The following GPAT3 variants were observed in gnomAD, a reference collection of about 807,000 sequenced individuals.
GPAT3 encodes glycerol-3-phosphate acyltransferase 3.
In GPAT3, 53 loss-of-function variants were observed where a neutral mutation model predicts 58.8. The ratio of observed to expected loss-of-function variants is 0.90; its 90% CI spans 0.72 to 1.13. GPAT3 has a LOEUF of 1.13. Among genes scored for constraint, GPAT3 ranks in the 50% most tolerant of loss-of-function variants. The pLI is 0.00. For synonymous variants in GPAT3, 197 were observed against 187.4 expected (o/e 1.05, Z -0.42); for missense variants, 511 against 527.6 (o/e 0.97, Z 0.31).
chr4:83,578,930 T>TTTC (rs373810662), intron 2 of GPAT3, among the ~76,000 whole-genome samples: 3,084 of 7,834 alleles, frequency 0.39, 254 homozygotes, highest in South Asian at 0.42. Context: ...CTTTTCTTTC[T>TTTC]TTCTTTCTTT....
At chr4:83,543,510 G>A (rs1261108028) in intron 1 of GPAT3, among the ~76,000 whole-genome samples, 1 of 152,164 alleles carries the variant, frequency 6.6e-6, no homozygotes, top group Non-Finnish European at 1.5e-5. Context: ...AACAAAGTGA[G>A]AGTTGTTTTC....
chr4:83,561,227 A>G (rs1725114338), intron 2 of GPAT3, among the ~76,000 whole-genome samples: 1 of 152,216 alleles, frequency 6.6e-6, no homozygotes, highest in Non-Finnish European at 1.5e-5. Context: ...TGAATTCCAG[A>G]GGCCATGATT....
At chr4:83,589,520 T>G (rs1417593966) in intron 5 of GPAT3, among the ~76,000 whole-genome samples, 1 of 152,218 alleles carries the variant, frequency 6.6e-6, no homozygotes, top group Non-Finnish European at 1.5e-5. Context: ...TTAAAGTATT[T>G]GCTGTCTGGC....
chr4:83,540,879 G>A (rs1245815006), intron 1 of GPAT3, among the ~76,000 whole-genome samples: 6 of 151,920 alleles, frequency 3.9e-5, no homozygotes, highest in African/African-American at 1.4e-4. Flanking sequence ...CAATAGAGAT[G>A]GGGTTTCACT....
In GPAT3 at chr4:83,588,271, C is replaced by T. The variant is rs1178471650; in HGVS notation, c.616C>T (p.Leu206Phe). ...LTCCRICVRALSGTIHYHNKQ... is the reference protein window; with the variant it reads ...LTCCRICVRAFSGTIHYHNKQ... Reference sequence around the variant, plus strand: ...TTGCTGCCGGATCTGTGTGCGAGCCCTCTCTGGTACCATTCATTATCATAA... The same window carrying T: ...TTGCTGCCGGATCTGTGTGCGAGCCTTCTCTGGTACCATTCATTATCATAA... The change falls in exon 5 of 12, where the codon CTC (leucine) becomes TTC (phenylalanine). Residue 206 changes from leucine (L) to phenylalanine (F), a missense_variant. Leu to Phe is a conservative substitution (Grantham distance 22). Transcript: ENST00000264409. The T allele has an allele frequency of 2.5e-6, 4 of 1,613,176 alleles. No individual in the cohort carries two copies. Among genetic ancestry groups the T allele is most frequent in the Non-Finnish European group, 3.4e-6 (4 of 1,179,812 alleles).
intron 3 of GPAT3, among the ~76,000 whole-genome samples, chr4:83,585,167 C>T (rs1045543361): frequency 6.6e-6 from 1 of 151,970 alleles, no homozygotes; most frequent in African/African-American, 2.4e-5. Context: ...AGAACCTGAC[C>T]TTCAAATTGC....
intron 2 of GPAT3, among the ~76,000 whole-genome samples, chr4:83,561,041 A>G (rs1327674146): frequency 6.6e-6 from 1 of 152,228 alleles, no homozygotes; most frequent in African/African-American, 2.4e-5. Flanking sequence ...GAACAGACTA[A>G]TACAACTGGC....
At chr4:83,551,054 A>AT in intron 2 of GPAT3, among the ~76,000 whole-genome samples, 1 of 152,350 alleles carries the variant, frequency 6.6e-6, no homozygotes, top group South Asian at 2.1e-4. Flanking sequence ...AGACCAGAAA[A>AT]TTACACGACA....
At chr4:83,561,660 G>T (rs540754088) in intron 2 of GPAT3, among the ~76,000 whole-genome samples, 7 of 152,166 alleles carry the variant, frequency 4.6e-5, no homozygotes, top group Middle Eastern at 3.4e-3. Context: ...TGTTCCACTG[G>T]CATACTGTAC....
chr4:83,600,846 G>A (rs866337228), intron 11 of GPAT3, among the ~76,000 whole-genome samples: 1 of 152,240 alleles, frequency 6.6e-6, no homozygotes. Context: ...AAATTAGCAG[G>A]CTGTCACAAA....
chr4:83,583,667 G>GAA (rs749976752), intron 3 of GPAT3, among the ~76,000 whole-genome samples: 512 of 23,266 alleles, frequency 0.022, 68 homozygotes, highest in African/African-American at 0.055. Flanking sequence ...ACTCTTGTCT[G>GAA]AAAAAAAAAA....
intron 2 of GPAT3, among the ~76,000 whole-genome samples, chr4:83,553,249 G>T (rs929579229): frequency 3.3e-5 from 5 of 152,214 alleles, no homozygotes; most frequent in African/African-American, 1.2e-4. Flanking sequence ...GCATTGCGAA[G>T]TGATGGGTGT....
chr4:83,579,037 T>TCTTTCTTC (rs1725967445), intron 2 of GPAT3, among the ~76,000 whole-genome samples: 1 of 25,286 alleles, frequency 4.0e-5, no homozygotes, highest in African/African-American at 1.9e-4. Context: ...TTTCTTTCTT[T>TCTTTCTTC]CTTTCTTTCT....
chr4:83,603,877 A>T (rs1727159828), intron 11 of GPAT3, among the ~76,000 whole-genome samples: 1 of 152,116 alleles, frequency 6.6e-6, no homozygotes, highest in Non-Finnish European at 1.5e-5. Flanking sequence ...TTTTTGAATA[A>T]TCATTTATCT....
intron 2 of GPAT3, among the ~76,000 whole-genome samples, chr4:83,578,915 T>TTTCTTTCTTTC (rs1560620338): frequency 1.1e-5 from 1 of 94,856 alleles, no homozygotes; most frequent in African/African-American, 4.1e-5. Flanking sequence ...TCTTTTTTCT[T>TTTCTTTCTTTC]TTTTCTTTTC....
At chr4:83,540,187 C>T (rs981981622) in intron 1 of GPAT3, among the ~76,000 whole-genome samples, 2 of 146,828 alleles carry the variant, frequency 1.4e-5, no homozygotes, top group African/African-American at 5.0e-5. Flanking sequence ...AGAAATCAGA[C>T]TTAAAGCCAT....
rs1170586060 is a variant in GPAT3 at position 83,588,234 on chromosome 4, G to A, written c.579G>A (p.Leu193=). ...DSSLKNWLSE[L]VHLTCCRICV... is the part of the protein sequence containing the mutation. ...GCCTCAAAAACTGGCTGAGTGAACT[G>A]GTCCATCTGACTTGCTGCCGGATCT... Residue 193 remains leucine, a synonymous_variant, in exon 5 of 12, where the codon CTG becomes CTA. Coordinates refer to ENST00000264409, the MANE Select transcript of GPAT3 (RefSeq NM_032717.5). The A allele has an allele frequency of 6.2e-7, 1 of 1,613,970 alleles. No homozygotes were observed. Among genetic ancestry groups the A allele is most frequent in the South Asian group, 1.1e-5 (1 of 91,072 alleles).
At position 83,540,550 on chromosome 4, in the gene GPAT3, C is replaced by T. The variant is rs139809185; in HGVS notation, c.141+3787C>T. Among the ~76,000 whole-genome samples, 4 of 152,240 alleles carry T rather than the reference C, an allele frequency of 2.6e-5. No homozygotes were observed. The East Asian group carries it at 7.7e-4, about 29-fold the overall frequency. On this transcript the variant is annotated intron_variant, in intron 1 of 11. Transcript: ENST00000264409. ...ACTGGACAGTCTGGAAAAAACTGGC[C>T]ATTGCAGAGGCCTAAAATATGGAAT... is the stretch of plus-strand genomic sequence containing the variant.
chr4:83,559,581 C>G (rs1036214598), intron 2 of GPAT3, among the ~76,000 whole-genome samples: 4 of 152,178 alleles, frequency 2.6e-5, no homozygotes, highest in Non-Finnish European at 4.4e-5. Context: ...GCCTCGGCCC[C>G]CCAAAGTGTG....
Sources: allele counts gnomAD v4.1 joint callset (sites outside exome capture counted in the v4.1 genomes callset), GRCh38; gene constraint gnomAD v4.1.1; transcripts MANE v1.5; gene names NCBI Gene and HGNC (gene_info 2026-07-23, HGNC 2026-07-21).